Variants in LTBP1 observed in about 807,000 individuals in gnomAD.
LTBP1 encodes the protein latent transforming growth factor beta binding protein 1, also known as latent-transforming growth factor beta-binding protein 1.
A neutral mutation model predicts 207.6 loss-of-function variants in LTBP1; 129 were observed. The ratio of observed to expected loss-of-function variants is 0.62; its 90% CI spans 0.54 to 0.72. The LOEUF is 0.72. LTBP1 is among the 30% of genes least tolerant of loss of function. The pLI, the probability that LTBP1 is intolerant of heterozygous loss-of-function variation, is 0.00. For synonymous variants in LTBP1, 963 were observed against 833.7 expected, an observed-to-expected ratio of 1.16 and a Z score of -2.67; for missense variants, 2,281 against 2,217.2, an observed-to-expected ratio of 1.03 and a Z score of -0.58.
intron 3 of LTBP1, among the ~76,000 whole-genome samples, chr2:33,053,949 A>T (rs1174326037): frequency 2.0e-5 from 3 of 152,310 alleles, no homozygotes; most frequent in African/African-American, 7.2e-5. Flanking sequence ...TGCCTGACCA[A>T]ATAACAGGTG....
chr2:33,226,363 C>T (rs1161279301), intron 9 of LTBP1, among the ~76,000 whole-genome samples: 1 of 152,176 alleles, frequency 6.6e-6, no homozygotes, highest in Non-Finnish European at 1.5e-5. Context: ...TCCTGGCATA[C>T]CCCAAAGTTG....
intron 5 of LTBP1, among the ~76,000 whole-genome samples, chr2:33,154,828 C>T (rs1036322216): frequency 4.6e-5 from 7 of 152,066 alleles, no homozygotes; most frequent in Non-Finnish European, 7.4e-5. Flanking sequence ...TTTGGGAGAG[C>T]GAGGTGGGAG....
chr2:33,273,908 C>G (rs775110537), intron 16 of LTBP1, 127 bp downstream of exon 16: 31 of 785,762 alleles, frequency 3.9e-5, no homozygotes, highest in Non-Finnish European at 5.3e-5. Flanking sequence ...AAAGTTTATC[C>G]CTTAGCTAAG....
intron 26 of LTBP1, among the ~76,000 whole-genome samples, chr2:33,357,033 G>T (rs1027001549): frequency 3.3e-5 from 5 of 152,164 alleles, no homozygotes; most frequent in Non-Finnish European, 7.3e-5. Flanking sequence ...AAAACCTTCA[G>T]AACACATTGT....
intron 3 of LTBP1, among the ~76,000 whole-genome samples, chr2:33,067,020 T>A (rs1018962853): frequency 2.0e-5 from 3 of 152,062 alleles, no homozygotes; most frequent in Middle Eastern, 3.4e-3. Flanking sequence ...TAAAACAATT[T>A]AAAAAAAGCC....
chr2:33,033,757 AT>A (rs1189235495), intron 3 of LTBP1, among the ~76,000 whole-genome samples: 1 of 152,180 alleles, frequency 6.6e-6, no homozygotes. Context: ...ATAGTGCAAC[AT>A]TATGGTGCCA....
intron 8 of LTBP1, among the ~76,000 whole-genome samples, chr2:33,220,754 G>C (rs2091050110): frequency 6.6e-6 from 1 of 152,222 alleles, no homozygotes; most frequent in Non-Finnish European, 1.5e-5. Context: ...GGACAAGACA[G>C]ACCTGAGGCC....
At chr2:33,108,386 A>G (rs1350058304) in intron 3 of LTBP1, among the ~76,000 whole-genome samples, 2 of 152,124 alleles carry the variant, frequency 1.3e-5, no homozygotes, top group Admixed American at 6.5e-5. Context: ...GCACTTAACT[A>G]CTGATTTCCT....
chr2:33,328,008 G>A (rs1194317988), intron 24 of LTBP1, among the ~76,000 whole-genome samples: 4 of 151,850 alleles, frequency 2.6e-5, no homozygotes, highest in African/African-American at 7.3e-5. Context: ...GATGGCACAC[G>A]CCTGTAATCT....
At chr2:33,020,735 A>ATAT (rs1181901014) in intron 2 of LTBP1, among the ~76,000 whole-genome samples, 174 bp from the exon 3 acceptor site, 1 of 152,182 alleles carries the variant, frequency 6.6e-6, no homozygotes, top group Admixed American at 6.5e-5. Context: ...GAAGCCATTA[A>ATAT]TATTAGCTCT....
intron 25 of LTBP1, among the ~76,000 whole-genome samples, chr2:33,343,169 A>G (rs548112484): frequency 6.6e-6 from 1 of 152,248 alleles, no homozygotes; most frequent in East Asian, 1.9e-4. Flanking sequence ...TGGGAGGCCA[A>G]GGTTGGAGAA....
chr2:33,189,751 TG>T (rs1488890544), intron 7 of LTBP1, among the ~76,000 whole-genome samples: 12 of 152,134 alleles, frequency 7.9e-5, no homozygotes, highest in Admixed American at 3.3e-4. Context: ...TCAGGCCGGG[TG>T]CTGTGGCTCA....
chr2:33,054,799 T>C (rs1472972266), intron 3 of LTBP1, among the ~76,000 whole-genome samples: 2 of 152,158 alleles, frequency 1.3e-5, no homozygotes. Flanking sequence ...GGTGATGACA[T>C]GAGCCGGTGT....
At chr2:33,196,482 G>C (rs1212039286) in intron 7 of LTBP1, among the ~76,000 whole-genome samples, 3 of 152,038 alleles carry the variant, frequency 2.0e-5, no homozygotes, top group Non-Finnish European at 4.4e-5. Flanking sequence ...GGCCAAGGAA[G>C]AGAAATTGGC....
chr2:32,979,327 C>T (rs962307574), intron 2 of LTBP1, among the ~76,000 whole-genome samples: 23 of 151,786 alleles, frequency 1.5e-4, no homozygotes, highest in Non-Finnish European at 3.2e-4. Context: ...TTGATGTGCT[C>T]ATAGCTATAA....
intron 9 of LTBP1, 80 bp from the exon 10 acceptor site, chr2:33,243,582 A>G: frequency 7.6e-7 from 1 of 1,311,028 alleles, no homozygotes. Flanking sequence ...ATAGTGAAAA[A>G]GGAAGTGAAT....
chr2:33,390,671 G>A (rs1016309140), intron 32 of LTBP1, among the ~76,000 whole-genome samples: 3 of 151,792 alleles, frequency 2.0e-5, no homozygotes, highest in Admixed American at 6.6e-5. Context: ...TATTTTTTCC[G>A]TAGAGATGGG....
At chr2:32,954,019 A>G (rs1243055877) in intron 2 of LTBP1, among the ~76,000 whole-genome samples, 1 of 152,014 alleles carries the variant, frequency 6.6e-6, no homozygotes, top group African/African-American at 2.4e-5. Context: ...TACAGAGAGC[A>G]TTTTCTTGAT....
At chr2:33,059,315 G>A (rs6753484) in intron 3 of LTBP1, among the ~76,000 whole-genome samples, 10,716 of 152,218 alleles carry the variant, frequency 0.07, 428 homozygotes, top group Middle Eastern at 0.092. Flanking sequence ...GTAGTCAAGC[G>A]TACAGTGCTT....
Sources: allele counts gnomAD v4.1 joint callset (sites outside exome capture counted in the v4.1 genomes callset), GRCh38; gene constraint gnomAD v4.1.1; transcripts MANE v1.5; gene names NCBI Gene and HGNC (gene_info 2026-07-23, HGNC 2026-07-21).